The following MAP4K4 variants were observed in gnomAD, a reference collection of about 807,000 sequenced individuals.
MAP4K4 encodes HPK/GCK-like kinase HGK.
A neutral mutation model predicts 189.6 loss-of-function variants in MAP4K4; 38 were observed. That is an observed-to-expected ratio of 0.20 (90% CI 0.15 to 0.26). The LOEUF is 0.26. Ranked by LOEUF, MAP4K4 falls within the 10% of genes least tolerant of loss-of-function variation. MAP4K4 has a pLI of 1.00. For synonymous variants in MAP4K4, 610 were observed against 624.3 expected, an observed-to-expected ratio of 0.98 and a Z score of 0.34; for missense variants, 1,054 against 1,726.9, an observed-to-expected ratio of 0.61 and a Z score of 6.91.
intron 2 of MAP4K4, among the ~76,000 whole-genome samples, chr2:101,745,328 AC>A (rs1210718503): frequency 0.25 from 13,764 of 54,948 alleles, 1,360 homozygotes; most frequent in Middle Eastern, 0.32. Context: ...TGAAAATATC[AC>A]CCCCCCCCCC....
At chr2:101,726,096 C>T (rs529902867) in intron 2 of MAP4K4, among the ~76,000 whole-genome samples, 1 of 152,282 alleles carries the variant, frequency 6.6e-6, no homozygotes, top group African/African-American at 2.4e-5. Context: ...TGGACTTTGG[C>T]TTGGGATAAC....
chr2:101,890,720 G>A (rs1308018351), intron 32 of MAP4K4, among the ~76,000 whole-genome samples: 2 of 152,058 alleles, frequency 1.3e-5, no homozygotes, highest in East Asian at 3.9e-4. Context: ...CTCCCAAAGT[G>A]CTGGGATTAC....
In MAP4K4 at chr2:101,887,769, G is replaced by C. The variant is rs1160532323; in HGVS notation, c.3772-9G>C. The C allele has an allele frequency of 1.2e-6, 2 of 1,600,370 alleles. No individual in the cohort carries two copies. Among genetic ancestry groups the C allele is most frequent in the Admixed American group, 1.7e-5 (1 of 58,656 alleles). On this transcript the variant is annotated splice_polypyrimidine_tract_variant and intron_variant, in intron 30 of 32. Coordinates refer to ENST00000324219, the Ensembl canonical transcript of MAP4K4. ...ACGTTCTTCCCTGTACTTTGTTCCT[G>C]TTCTCTAGATCCAGTGTAGCATCAA...
intron 9 of MAP4K4, among the ~76,000 whole-genome samples, chr2:101,838,889 A>G (rs1337934241): frequency 6.6e-6 from 1 of 152,234 alleles, no homozygotes; most frequent in Non-Finnish European, 1.5e-5. Context: ...AATTTATTCC[A>G]TACCTATTGT....
chr2:101,839,826 A>T lies in MAP4K4; in HGVS notation c.781A>T (p.Lys261Ter). 6.3e-7 allele frequency: 1 copy of T among 1,585,142 alleles called. No individual in the cohort carries two copies. Among genetic ancestry groups the T allele is most frequent in the Non-Finnish European group, 8.5e-7 (1 of 1,171,654 alleles). The change falls in exon 10 of 33, where the codon AAG becomes TAG. Residue 261 changes from lysine to a stop codon, truncating the protein, a stop_gained. Transcript: ENST00000324219. LOFTEE classifies it high-confidence loss of function. ...CTTTTTCACTTCTTACAGGTCGAAG[A>T]AGTTTTTTAGTTTTATAGAAGGGTG...
At position 101,864,924 on chromosome 2, in the gene MAP4K4, T is replaced by G; in HGVS notation, c.2098-6T>G. ...ATAATTTAATTGCTATATTTTCTAC[T>G]TAAAGGTTCCTGTGAGAACAACATC... On this transcript the variant is annotated splice_polypyrimidine_tract_variant and splice_region_variant and intron_variant, in intron 17 of 32. Transcript: ENST00000324219. 6.5e-7 allele frequency: 1 copy of G among 1,540,472 alleles called. No individual in the cohort carries two copies. The highest frequency in any genetic ancestry group is 8.8e-7 in the Non-Finnish European group (1 of 1,137,766).
chr2:101,826,565 G>A (rs571575571), intron 5 of MAP4K4, among the ~76,000 whole-genome samples: 7 of 152,124 alleles, frequency 4.6e-5, no homozygotes, highest in Non-Finnish European at 8.8e-5. Context: ...TACTGTAAAG[G>A]AAGTCAGGTA....
At chr2:101,839,410 T>C (rs1488342567) in intron 9 of MAP4K4, among the ~76,000 whole-genome samples, 2 of 152,210 alleles carry the variant, frequency 1.3e-5, no homozygotes, top group Non-Finnish European at 2.9e-5. Context: ...CCTTTTCTTA[T>C]CTCATTGTCT....
Position 101,886,820 on chromosome 2 carries a change from T to C in MAP4K4, c.3622-268T>C, listed in dbSNP as rs551609160. On this transcript the variant is annotated intron_variant, in intron 29 of 32. Coordinates refer to ENST00000324219, the Ensembl canonical transcript of MAP4K4. ...ACTTTGGGAGGTCGAGGTCAGGAGA[T>C]CAAGACCATCCTGGCTAACATGGTG... Among the ~76,000 whole-genome samples, 80 of 152,058 alleles carry C rather than the reference T, an allele frequency of 5.3e-4. 1 individual carries two copies. In the South Asian group the frequency reaches 0.016, roughly 31 times the overall value.
intron 2 of MAP4K4, among the ~76,000 whole-genome samples, chr2:101,747,291 G>T (rs936750955): frequency 3.3e-5 from 5 of 152,050 alleles, no homozygotes; most frequent in African/African-American, 1.2e-4. Context: ...GCTAATTTTT[G>T]TATTTTTAAT....
intron 21 of MAP4K4, 83 bp downstream of exon 21, chr2:101,868,120 T>G (rs1475643811): frequency 2.1e-6 from 3 of 1,440,686 alleles, no homozygotes; most frequent in Non-Finnish European, 2.9e-6. Flanking sequence ...GCTGCGGTCC[T>G]GCTCCTTCCT....
intron 2 of MAP4K4, among the ~76,000 whole-genome samples, chr2:101,785,703 TC>T (rs2090507817): frequency 3.7e-4 from 2 of 5,334 alleles, no homozygotes; most frequent in Non-Finnish European, 5.9e-4. Context: ...TCTCTCTCTC[TC>T]TCTCTCTCTC....
intron 9 of MAP4K4, among the ~76,000 whole-genome samples, chr2:101,838,370 G>A (rs115558238): frequency 1.6e-4 from 25 of 152,256 alleles, no homozygotes; most frequent in African/African-American, 5.5e-4. Flanking sequence ...CTCATTAAAC[G>A]TAGAATAAAG....
chr2:101,870,902 A>T (rs181060096), intron 23 of MAP4K4, among the ~76,000 whole-genome samples: 2 of 152,218 alleles, frequency 1.3e-5, no homozygotes, highest in Non-Finnish European at 2.9e-5. Context: ...TTTCTCTTCT[A>T]TGTTCCAAAA....
chr2:101,706,082 G>A (rs1212168538), intron 2 of MAP4K4, among the ~76,000 whole-genome samples: 1 of 152,120 alleles, frequency 6.6e-6, no homozygotes, highest in Admixed American at 6.5e-5. Context: ...GTTATGAATC[G>A]ATAGTTATAA....
At chr2:101,740,441 A>G (rs1169182157) in intron 2 of MAP4K4, among the ~76,000 whole-genome samples, 1 of 102,510 alleles carries the variant, frequency 9.8e-6, no homozygotes, top group African/African-American at 1.6e-4. Flanking sequence ...GGCGTGAGCC[A>G]CCGCGCCCGG....
chr2:101,837,476 A>T (rs1440058841), intron 9 of MAP4K4, among the ~76,000 whole-genome samples: 2 of 151,864 alleles, frequency 1.3e-5, no homozygotes, highest in Non-Finnish European at 2.9e-5. Flanking sequence ...GGCTAATTCC[A>T]TTTACCCCGT....
intron 3 of MAP4K4, among the ~76,000 whole-genome samples, chr2:101,799,800 A>G (rs1280711193): frequency 2.0e-5 from 3 of 152,038 alleles, no homozygotes; most frequent in Non-Finnish European, 4.4e-5. Context: ...ACGAAGTCTT[A>G]CTGTGTTACC....
In MAP4K4 at chr2:101,831,714, C is replaced by T. The variant is rs1366596728; in HGVS notation, c.509-7C>T. On this transcript the variant is annotated splice_region_variant and splice_polypyrimidine_tract_variant and intron_variant, in intron 6 of 32. Coordinates refer to ENST00000324219, the Ensembl canonical transcript of MAP4K4. The stretch of plus-strand genomic sequence containing the variant: ...TTTCTTTATCTGCCTTTTTCTTCCT[C>T]CCACAGTTGACTTTGGTGTGAGTGC... 6.3e-7 allele frequency: 1 copy of T among 1,590,284 alleles called. No individual in the cohort carries two copies. Among genetic ancestry groups the T allele is most frequent in the Non-Finnish European group, 8.6e-7 (1 of 1,167,012 alleles).
Sources: gnomAD v4.1 joint callset for allele counts (sites outside exome capture counted in the v4.1 genomes callset) on GRCh38, gnomAD v4.1.1 for gene constraint, MANE v1.5 for transcripts, NCBI Gene and HGNC (gene_info 2026-07-23, HGNC 2026-07-21) for gene names.